TNFSF4: variants seen among roughly 807,000 people sequenced by gnomAD.
TNFSF4 encodes TNF superfamily member 4.
A neutral mutation model predicts 7.3 loss-of-function variants in TNFSF4; 4 were observed. The ratio of observed to expected loss-of-function variants is 0.55; its 90% CI spans 0.27 to 1.25. The LOEUF is 1.25. Ranked by LOEUF, TNFSF4 falls within the 50% of genes most tolerant of loss-of-function variation. TNFSF4 has a pLI of 0.12. For synonymous variants in TNFSF4, 76 were observed against 83.7 expected, an observed-to-expected ratio of 0.91 and a Z score of 0.50; for missense variants, 181 against 208.8, an observed-to-expected ratio of 0.87 and a Z score of 0.82.
chr1:173,221,998 G>A, the TNFSF4 span, among the ~76,000 whole-genome samples: 1 of 152,140 alleles, frequency 6.6e-6, no homozygotes, highest in Admixed American at 6.5e-5. Flanking sequence ...CAGGCAATGT[G>A]CATGGCATAG....
chr1:173,437,660 C>T, the TNFSF4 span, among the ~76,000 whole-genome samples: 1 of 152,204 alleles, frequency 6.6e-6, no homozygotes. Context: ...CACCTTTTGC[C>T]TCACTGTATT....
At chr1:173,386,297 T>G in the TNFSF4 span, among the ~76,000 whole-genome samples, 1 of 152,080 alleles carries the variant, frequency 6.6e-6, no homozygotes, top group Non-Finnish European at 1.5e-5. Context: ...AAAGCACAAG[T>G]GGTAAACGTT....
the TNFSF4 span, among the ~76,000 whole-genome samples, chr1:173,223,061 C>T: frequency 2.0e-5 from 3 of 152,184 alleles, no homozygotes; most frequent in Non-Finnish European, 2.9e-5. Flanking sequence ...CTGGCTGAAT[C>T]TGAATCCCAG....
At chr1:173,308,578 A>C in the TNFSF4 span, among the ~76,000 whole-genome samples, 1 of 151,988 alleles carries the variant, frequency 6.6e-6, no homozygotes, top group South Asian at 2.1e-4. Context: ...GACCTATGTT[A>C]GTTAACTGTT....
the TNFSF4 span, among the ~76,000 whole-genome samples, chr1:173,412,278 G>A: frequency 5.3e-5 from 8 of 152,208 alleles, no homozygotes; most frequent in Admixed American, 2.6e-4. Flanking sequence ...CCATCTCAAG[G>A]CCAGCCCTAC....
chr1:173,421,549 C>T, the TNFSF4 span, among the ~76,000 whole-genome samples: 4 of 152,272 alleles, frequency 2.6e-5, no homozygotes, highest in South Asian at 8.3e-4. Flanking sequence ...GTAAAATAAT[C>T]CTTGTCACTG....
the TNFSF4 span, among the ~76,000 whole-genome samples, chr1:173,219,669 T>C: frequency 2.0e-5 from 3 of 146,890 alleles, no homozygotes; most frequent in Admixed American, 2.0e-4. Context: ...GAAATTGTGA[T>C]ACACACACAC....
At chr1:173,318,870 T>C in the TNFSF4 span, among the ~76,000 whole-genome samples, 1 of 152,282 alleles carries the variant, frequency 6.6e-6, no homozygotes, top group South Asian at 2.1e-4. Flanking sequence ...GACTCCCTCA[T>C]GTGCCTACAC....
the TNFSF4 span, among the ~76,000 whole-genome samples, chr1:173,444,311 C>T: frequency 2.0e-5 from 3 of 152,042 alleles, no homozygotes; most frequent in Non-Finnish European, 4.4e-5. Context: ...TACACATACT[C>T]TGAACTAAAA....
chr1:173,308,285 C>CTGTG, the TNFSF4 span, among the ~76,000 whole-genome samples: 132 of 135,104 alleles, frequency 9.8e-4, 1 homozygote, highest in South Asian at 0.01. Context: ...CTCTCTCTCT[C>CTGTG]TGTGTGTGTG....
the TNFSF4 span, among the ~76,000 whole-genome samples, chr1:173,422,974 ATT>A: frequency 2.0e-3 from 294 of 148,840 alleles, 1 homozygote; most frequent in Admixed American, 3.4e-3. Context: ...ATATATGTAC[ATT>A]TTTTTTTTTT....
chr1:173,296,217 T>C, the TNFSF4 span, among the ~76,000 whole-genome samples: 1 of 151,914 alleles, frequency 6.6e-6, no homozygotes, highest in Non-Finnish European at 1.5e-5. Flanking sequence ...ATGTGCTTGG[T>C]TAGAAATCCT....
At chr1:173,247,684 GCTACATGT>G in the TNFSF4 span, among the ~76,000 whole-genome samples, 3 of 152,130 alleles carry the variant, frequency 2.0e-5, no homozygotes, top group East Asian at 1.9e-4. Flanking sequence ...AGATTAAAAT[GCTACATGT>G]CTACATGTCT....
the TNFSF4 span, among the ~76,000 whole-genome samples, chr1:173,236,242 C>G: frequency 6.6e-6 from 1 of 152,118 alleles, no homozygotes; most frequent in Admixed American, 6.5e-5. Context: ...CAGGGTTTAT[C>G]ACCTTTCTAC....
At chr1:173,449,021 C>T in the TNFSF4 span, among the ~76,000 whole-genome samples, 2 of 152,180 alleles carry the variant, frequency 1.3e-5, no homozygotes, top group African/African-American at 4.8e-5. Flanking sequence ...GAAGTGGGGC[C>T]TGGTGGGAGG....
At chr1:173,318,821 G>C in the TNFSF4 span, among the ~76,000 whole-genome samples, 1 of 152,194 alleles carries the variant, frequency 6.6e-6, no homozygotes, top group Admixed American at 6.5e-5. Flanking sequence ...GACCAATGCA[G>C]AAGGCACGTG....
chr1:173,364,205 G>T, the TNFSF4 span, among the ~76,000 whole-genome samples: 1 of 135,126 alleles, frequency 7.4e-6, no homozygotes, highest in Non-Finnish European at 1.6e-5. Flanking sequence ...TCTATATTTT[G>T]CATTTCTTAA....
downstream of TNFSF4, among the ~76,000 whole-genome samples, chr1:173,180,230 A>T (rs1302953557): frequency 6.6e-6 from 1 of 152,194 alleles, no homozygotes; most frequent in Non-Finnish European, 1.5e-5. Flanking sequence ...TTTCAGATCC[A>T]TTCATTTCTT....
chr1:173,380,818 G>T, the TNFSF4 span, among the ~76,000 whole-genome samples: 1 of 152,134 alleles, frequency 6.6e-6, no homozygotes, highest in African/African-American at 2.4e-5. Context: ...ATGGGGAAAA[G>T]AAAACAACAA....
Sources: allele counts gnomAD v4.1 joint callset (sites outside exome capture counted in the v4.1 genomes callset), GRCh38; gene constraint gnomAD v4.1.1; transcripts MANE v1.5; gene names NCBI Gene and HGNC (gene_info 2026-07-23, HGNC 2026-07-21).